Variants in VPS50 observed in about 807,000 individuals in gnomAD.
VPS50 encodes VPS50 subunit of EARP/GARPII complex, also known as syndetin.
In VPS50, 70 loss-of-function variants were observed where a neutral mutation model predicts 139.7. The observed-to-expected ratio is 0.50, with a 90% CI of 0.41 to 0.61. The LOEUF is 0.61. Among genes scored for constraint, VPS50 ranks in the 20% least tolerant of loss-of-function variants. The probability of loss-of-function intolerance (pLI) is 0.00; values close to 1 mark genes in which losing one functional copy is unlikely to be tolerated. For synonymous variants in VPS50, 365 were observed against 376.7 expected, an observed-to-expected ratio of 0.97 and a Z score of 0.36; for missense variants, 921 against 1,133.7, an observed-to-expected ratio of 0.81 and a Z score of 2.69.
rs1562840525 is a variant in VPS50 at position 93,232,416 on chromosome 7, C to T, written c.-52C>T. 2.0e-6 allele frequency: 3 copies of T among 1,514,472 alleles called. No homozygotes were observed. Among genetic ancestry groups the T allele is most frequent in the African/African-American group, 1.4e-5 (1 of 72,712 alleles). 93.8% of individuals were successfully genotyped at this position (1,514,472 alleles called of 1,614,324 possible). A position where few individuals can be genotyped will look rare whatever the true frequency, so the allele number is the denominator to read the frequency against. On this transcript the variant is annotated 5_prime_UTR_variant, in exon 1 of 28. Coordinates refer to ENST00000305866, the MANE Select transcript of VPS50 (RefSeq NM_017667.4). ...TGTCAGGGCCAGCTGTGTAGTGGCT[C>T]GGTGTGATTTGTTAGCTCTTTGAGG...
intron 9 of VPS50, among the ~76,000 whole-genome samples, chr7:93,263,545 C>G (rs941282612): frequency 3.3e-5 from 5 of 152,118 alleles, no homozygotes; most frequent in African/African-American, 1.2e-4. Context: ...CTTTCCTAGT[C>G]ACATCACTCC....
At chr7:93,283,328 A>T (rs1401501765) in intron 12 of VPS50, among the ~76,000 whole-genome samples, 1 of 151,532 alleles carries the variant, frequency 6.6e-6, no homozygotes, top group African/African-American at 2.4e-5. Context: ...CCCGCGTTCA[A>T]CAGGTTCAAG....
Position 93,297,269 on chromosome 7 carries a change from C to T in VPS50, c.1361+26C>T, listed in dbSNP as rs188212063. On this transcript the variant is annotated intron_variant, in intron 16 of 27. Coordinates refer to ENST00000305866, the MANE Select transcript of VPS50 (RefSeq NM_017667.4). Reference sequence around the variant, plus strand: ...GTAAGAACTCTAATAAGATATGAATCGACTTATTTAGGTAATGAGAATACT... The same window carrying T: ...GTAAGAACTCTAATAAGATATGAATTGACTTATTTAGGTAATGAGAATACT... 268 of 1,500,892 alleles carry T rather than the reference C, an allele frequency of 1.8e-4. 2 individuals carry two copies. Among genetic ancestry groups the T allele is most frequent in the Middle Eastern group, 1.5e-3 (8 of 5,446 alleles). 93.0% of individuals were successfully genotyped at this position (1,500,892 alleles called of 1,614,324 possible).
In VPS50 at chr7:93,334,035, A is replaced by C; in HGVS notation, c.1978-82A>C. The C allele has an allele frequency of 4.8e-6, 4 of 826,708 alleles. No individual in the cohort carries two copies. In the South Asian group the frequency reaches 5.8e-5, roughly 12 times the overall value. The allele number at this position is 826,708 out of a possible 1,614,324, so 51.2% of individuals were successfully genotyped here. A position where few individuals can be genotyped will look rare whatever the true frequency, so the allele number is the denominator to read the frequency against. ...AGGCTAAGTATCTGAGTGAAAACTC[A>C]TCAAATATCTTGGTTAATTTGAAGA... On this transcript the variant is annotated intron_variant, in intron 21 of 27. Coordinates refer to ENST00000305866, the MANE Select transcript of VPS50 (RefSeq NM_017667.4).
chr7:93,350,970 A>T (rs930525938), intron 25 of VPS50, among the ~76,000 whole-genome samples: 2 of 152,198 alleles, frequency 1.3e-5, no homozygotes, highest in African/African-American at 4.8e-5. Flanking sequence ...TGCTTAGACC[A>T]AGTCAACAAA....
intron 3 of VPS50, among the ~76,000 whole-genome samples, chr7:93,253,344 G>T (rs761623352): frequency 6.6e-6 from 1 of 152,116 alleles, no homozygotes; most frequent in Non-Finnish European, 1.5e-5. Context: ...GCATTTTTTG[G>T]TTAGTTTCCC....
rs992015846 is a variant in VPS50 at position 93,291,795 on chromosome 7, G to C, written c.1035G>C (p.Trp345Cys). Residue 345 changes from tryptophan to cysteine, a missense_variant, in exon 13 of 28, where the codon TGG (tryptophan) becomes TGC (cysteine). Trp to Cys is a radical substitution (Grantham distance 215). Around this residue, in one of 3 missense-constraint regions of VPS50, gnomAD observed 744 missense variants for 930.6 expected, o/e 0.80. Transcript: ENST00000305866. ...VMLSYYRTME[W>C]HEKHDNEDTA... is the part of the protein sequence containing the mutation. ...TCAGCTATTATAGGACTATGGAATGGCATGAAAAGCATGACAATGAGGATA... is the reference window on the plus strand; with the variant it reads ...TCAGCTATTATAGGACTATGGAATGCCATGAAAAGCATGACAATGAGGATA... 6.2e-7 allele frequency: 1 copy of C among 1,601,760 alleles called. No homozygotes were observed. The highest frequency in any genetic ancestry group is 8.5e-7 in the Non-Finnish European group (1 of 1,172,246).
chr7:93,344,534 T>C (rs1467896161), intron 23 of VPS50, among the ~76,000 whole-genome samples: 2 of 152,208 alleles, frequency 1.3e-5, no homozygotes, highest in African/African-American at 4.8e-5. Context: ...ATACATTTTT[T>C]GCAGCACCAC....
Position 93,239,947 on chromosome 7 carries a change from A to C in VPS50, c.102+13A>C, listed in dbSNP as rs370097120. ...GGTCCCTGGAAAGGTATTGAGCTAC[A>C]CGTGTGAGCGTGACTTTTTACTTCC... On this transcript the variant is annotated intron_variant, in intron 2 of 27. Coordinates refer to ENST00000305866, the MANE Select transcript of VPS50 (RefSeq NM_017667.4). 2.6e-5 allele frequency: 39 copies of C among 1,518,642 alleles called. No homozygotes were observed. Among genetic ancestry groups the C allele is most frequent in the Non-Finnish European group, 3.4e-5 (37 of 1,094,688 alleles). 94.1% of individuals were successfully genotyped at this position (1,518,642 alleles called of 1,614,324 possible).
chr7:93,315,916 T>C (rs955498010), intron 20 of VPS50, among the ~76,000 whole-genome samples: 22 of 152,060 alleles, frequency 1.4e-4, no homozygotes, highest in Non-Finnish European at 2.9e-5. Context: ...ATAGTCTTTG[T>C]ACTTTGTACT....
At chr7:93,338,607 T>G (rs79908699) in intron 22 of VPS50, among the ~76,000 whole-genome samples, 3 of 152,160 alleles carry the variant, frequency 2.0e-5, no homozygotes, top group Non-Finnish European at 2.9e-5. Flanking sequence ...TCCCTACCCA[T>G]GTAGAGTTTA....
rs1584469958 is a variant in VPS50 at position 93,323,835 on chromosome 7, T to G, written c.1977+103T>G. ...ATAGAAGATACACAAATAACATTAT[T>G]TTGGGGATTATGCATCAAAAACAAA... is the stretch of plus-strand genomic sequence containing the variant. On this transcript the variant is annotated intron_variant, in intron 21 of 27. Coordinates refer to ENST00000305866, the MANE Select transcript of VPS50 (RefSeq NM_017667.4). 7.2e-6 allele frequency: 4 copies of G among 552,832 alleles called. No homozygotes were observed. In the East Asian group the frequency reaches 1.5e-4, roughly 21 times the overall value. 34.2% of individuals were successfully genotyped at this position (552,832 alleles called of 1,614,324 possible). A position where few individuals can be genotyped will look rare whatever the true frequency, so the allele number is the denominator to read the frequency against.
chr7:93,334,094 T>TA, intron 21 of VPS50, 23 bp from the exon 22 acceptor site: 1 of 1,347,572 alleles, frequency 7.4e-7, no homozygotes, highest in Non-Finnish European at 1.1e-6. Flanking sequence ...TAGAACGATA[T>TA]AACAAGCCTT....
intron 22 of VPS50, among the ~76,000 whole-genome samples, chr7:93,337,101 T>C (rs1798088492): frequency 6.6e-6 from 1 of 152,196 alleles, no homozygotes; most frequent in Non-Finnish European, 1.5e-5. Flanking sequence ...TTTTCGTGAC[T>C]CTCTTGCTCT....
chr7:93,341,762 C>T (rs140003415), intron 23 of VPS50, among the ~76,000 whole-genome samples, 187 bp downstream of exon 23: 1 of 152,110 alleles, frequency 6.6e-6, no homozygotes, highest in African/African-American at 2.4e-5. Context: ...GTTGGTTTTT[C>T]AGTTATAGAA....
intron 12 of VPS50, among the ~76,000 whole-genome samples, chr7:93,283,915 A>G (rs1796405098): frequency 6.6e-6 from 1 of 152,218 alleles, no homozygotes; most frequent in Non-Finnish European, 1.5e-5. Flanking sequence ...TAATGCACCC[A>G]GGGAATAATG....
chr7:93,320,318 C>G (rs1797567967), intron 20 of VPS50: 1 of 149,976 alleles, frequency 6.7e-6, no homozygotes, highest in Non-Finnish European at 1.5e-5. Context: ...CGTTTGCCCC[C>G]CGTCTTTTTT....
chr7:93,333,935 T>C, intron 21 of VPS50, 182 bp from the exon 22 acceptor site: 1 of 542,328 alleles, frequency 1.8e-6, no homozygotes, highest in East Asian at 3.3e-5. Flanking sequence ...GGTAAATGTT[T>C]CTTTGGTTCC....
intron 1 of VPS50, among the ~76,000 whole-genome samples, chr7:93,235,437 A>G (rs935952512): frequency 6.6e-6 from 1 of 152,204 alleles, no homozygotes; most frequent in Non-Finnish European, 1.5e-5. Flanking sequence ...AACAGATTGA[A>G]GAGCGGAAAA....
Sources: allele counts gnomAD v4.1 joint callset (sites outside exome capture counted in the v4.1 genomes callset), GRCh38; gene constraint gnomAD v4.1.1; regional missense constraint gnomAD v4.1.1; transcripts MANE v1.5; gene names NCBI Gene and HGNC (gene_info 2026-07-23, HGNC 2026-07-21).